Variants in BDKRB2 observed in about 807,000 individuals in gnomAD.
The protein encoded by BDKRB2 is bradykinin receptor B2.
A neutral mutation model predicts 4.0 loss-of-function variants in BDKRB2; 6 were observed. That is an observed-to-expected ratio of 1.49 (90% CI 0.81 to 2.93). The LOEUF (loss-of-function observed/expected upper bound fraction) is 2.93, where lower values mean the gene tolerates loss of function less well. Among genes scored for constraint, BDKRB2 ranks in the 30% most tolerant of loss-of-function variants. BDKRB2 has a pLI of 0.00. For synonymous variants in BDKRB2, 225 were observed against 215.3 expected (o/e 1.05, Z -0.40); for missense variants, 478 against 520.1 (o/e 0.92, Z 0.79).
intron 1 of BDKRB2, among the ~76,000 whole-genome samples, chr14:96,209,478 C>A (rs1164306867): frequency 6.6e-6 from 1 of 152,144 alleles, no homozygotes; most frequent in African/African-American, 2.4e-5. Context: ...GCCCATGCTT[C>A]TTTCAAAGAA....
intron 1 of BDKRB2, among the ~76,000 whole-genome samples, chr14:96,228,932 G>T (rs1358243282): frequency 6.6e-6 from 1 of 152,226 alleles, no homozygotes; most frequent in African/African-American, 2.4e-5. Context: ...AACTGTCTCA[G>T]GTTGCCTCGC....
chr14:96,206,732 C>G (rs1353178482), intron 1 of BDKRB2, among the ~76,000 whole-genome samples: 3 of 152,160 alleles, frequency 2.0e-5, no homozygotes, highest in Non-Finnish European at 4.4e-5. Context: ...TGCTTGTGGT[C>G]AGGGAGGGGC....
intron 1 of BDKRB2, among the ~76,000 whole-genome samples, chr14:96,206,958 A>C (rs1890196999): frequency 6.6e-6 from 1 of 152,146 alleles, no homozygotes; most frequent in Non-Finnish European, 1.5e-5. Context: ...ATGCATCCTC[A>C]TATGGTGGAA....
chr14:96,223,315 C>T (rs761078700), intron 1 of BDKRB2: 65 of 1,057,436 alleles, frequency 6.1e-5, no homozygotes, highest in Middle Eastern at 5.9e-4. Flanking sequence ...CTTGCTGTTC[C>T]GGCGCCCACC....
intron 1 of BDKRB2, among the ~76,000 whole-genome samples, chr14:96,230,973 G>C (rs536437341): frequency 6.6e-6 from 1 of 151,894 alleles, no homozygotes; most frequent in East Asian, 1.9e-4. Flanking sequence ...TTTTTAAGGG[G>C]AATGAGTGGT....
At chr14:96,230,394 C>A (rs1407921422) in intron 1 of BDKRB2, among the ~76,000 whole-genome samples, 2 of 151,984 alleles carry the variant, frequency 1.3e-5, no homozygotes, top group Admixed American at 6.6e-5. Context: ...TGTAGTTATT[C>A]TTTTATTTTT....
intron 1 of BDKRB2, among the ~76,000 whole-genome samples, chr14:96,212,401 CA>C (rs67435703): frequency 0.3 from 45,086 of 149,208 alleles, 7,458 homozygotes; most frequent in Non-Finnish European, 0.39. Flanking sequence ...AAAAAGATTG[CA>C]AAAAAAAACT....
intron 1 of BDKRB2, among the ~76,000 whole-genome samples, chr14:96,218,818 C>T (rs1442226848): frequency 6.6e-6 from 1 of 151,998 alleles, no homozygotes; most frequent in African/African-American, 2.4e-5. Flanking sequence ...ACTAGGAAGG[C>T]TGAGGCAGGA....
In BDKRB2 at chr14:96,241,607, G is replaced by A. The variant is rs1378838197; in HGVS notation, c.*103G>A. 6.9e-7 allele frequency: 1 copy of A among 1,439,042 alleles called. No homozygotes were observed. Among genetic ancestry groups the A allele is most frequent in the African/African-American group, 1.4e-5 (1 of 70,408 alleles). The allele number at this position is 1,439,042 out of a possible 1,614,324, so 89.1% of individuals were successfully genotyped here. A position where few individuals can be genotyped will look rare whatever the true frequency, so the allele number is the denominator to read the frequency against. ...CAAGGAGACATCTATGCACGACCTT[G>A]GGAAATGAGTTGATGTCTCCGGTAA... On this transcript the variant is annotated 3_prime_UTR_variant, in exon 3 of 3. Coordinates refer to ENST00000554311, the MANE Select transcript of BDKRB2 (RefSeq NM_001379692.1).
chr14:96,216,730 A>G (rs1595250254), intron 1 of BDKRB2, among the ~76,000 whole-genome samples: 2 of 95,084 alleles, frequency 2.1e-5, no homozygotes, highest in South Asian at 9.5e-4. Flanking sequence ...AAGGAGGAGG[A>G]GGAAGGAGGA....
rs1885285489 is a variant in BDKRB2, at chr14:96,241,336, C to T, written c.1008C>T (p.Gly336=). The change falls in exon 3 of 3, where the codon GGC becomes GGT. Residue 336 remains glycine, a synonymous_variant. Transcript: ENST00000554311. Reference sequence around the variant, plus strand: ...ACCCACTGGTGTACGTGATCGTGGGCAAGCGCTTCCGAAAGAAGTCTTGGG... The same window carrying T: ...ACCCACTGGTGTACGTGATCGTGGGTAAGCGCTTCCGAAAGAAGTCTTGGG... ...CLNPLVYVIV[G]KRFRKKSWEV... is the part of the protein sequence containing the mutation. The T allele has an allele frequency of 6.2e-7, 1 of 1,613,924 alleles. No homozygotes were observed. Among genetic ancestry groups the T allele is most frequent in the Non-Finnish European group, 8.5e-7 (1 of 1,179,872 alleles).
chr14:96,217,698 T>A (rs1890458209), intron 1 of BDKRB2, among the ~76,000 whole-genome samples: 1 of 152,028 alleles, frequency 6.6e-6, no homozygotes, highest in Non-Finnish European at 1.5e-5. Flanking sequence ...ACCTCCTCAC[T>A]CTCCCAGTAG....
At chr14:96,225,058 T>A (rs2139782360) in intron 1 of BDKRB2, among the ~76,000 whole-genome samples, 1 of 152,244 alleles carries the variant, frequency 6.6e-6, no homozygotes, top group Non-Finnish European at 1.5e-5. Flanking sequence ...TCCTCCCATC[T>A]CCAGAAGAGC....
chr14:96,221,365 G>T lies in BDKRB2; in HGVS notation c.-39-15704G>T, dbSNP rs181402991. Among the ~76,000 whole-genome samples, 885 of 152,278 alleles carry T rather than the reference G, an allele frequency of 5.8e-3. 4 individuals carry two copies. The highest frequency in any genetic ancestry group is 8.1e-3 in the Non-Finnish European group (551 of 68,036). ...CTGGTGCAAGCTCATCAGCTTCGTT[G>T]TCGTCATCAGCATTGTCCTGATGCT... is the stretch of plus-strand genomic sequence containing the variant. On this transcript the variant is annotated intron_variant, in intron 1 of 2. Transcript: ENST00000554311.
chr14:96,239,682 C>T, intron 2 of BDKRB2: 1 of 939,480 alleles, frequency 1.1e-6, no homozygotes, highest in Non-Finnish European at 1.3e-6. Context: ...GTTTTTTTAA[C>T]TCCCATTTTA....
chr14:96,221,434 C>A (rs138449251), intron 1 of BDKRB2, among the ~76,000 whole-genome samples: 2 of 152,214 alleles, frequency 1.3e-5, no homozygotes, highest in Non-Finnish European at 2.9e-5. Context: ...GGCTGTAGAC[C>A]ACCAATGTGG....
At chr14:96,240,124 G>A (rs1885233995) in intron 2 of BDKRB2, 3 of 1,164,888 alleles carry the variant, frequency 2.6e-6, no homozygotes, top group Non-Finnish European at 3.2e-6. Flanking sequence ...ACTTGAGATT[G>A]TTAGTGCTGT....
At chr14:96,232,164 C>G (rs936918716) in intron 1 of BDKRB2, among the ~76,000 whole-genome samples, 1 of 152,198 alleles carries the variant, frequency 6.6e-6, no homozygotes, top group South Asian at 2.1e-4. Context: ...CTTATGTTCT[C>G]GAACACATTG....
intron 1 of BDKRB2, among the ~76,000 whole-genome samples, chr14:96,228,517 T>C (rs1243031855): frequency 6.6e-6 from 1 of 152,164 alleles, no homozygotes; most frequent in Non-Finnish European, 1.5e-5. Flanking sequence ...ATGGCTGAAC[T>C]CTTCTCCAAC....
Sources: gnomAD v4.1 joint callset for allele counts (sites outside exome capture counted in the v4.1 genomes callset) on GRCh38, gnomAD v4.1.1 for gene constraint, MANE v1.5 for transcripts, NCBI Gene and HGNC (gene_info 2026-07-23, HGNC 2026-07-21) for gene names.